GALNT17: variants seen among roughly 807,000 people sequenced by gnomAD.
The protein encoded by GALNT17 is UDP-GalNAc:polypeptide N-acetylgalactosaminyltransferase-like 3.
A neutral mutation model predicts 63.7 loss-of-function variants in GALNT17; 29 were observed. That is an observed-to-expected ratio of 0.46 (90% confidence interval 0.34 to 0.62). The LOEUF (loss-of-function observed/expected upper bound fraction) is 0.62. Ranked by LOEUF, GALNT17 falls within the 20% of genes least tolerant of loss-of-function variation. The pLI is 0.01. For synonymous variants in GALNT17, 305 were observed against 318.3 expected (o/e 0.96, Z 0.45); for missense variants, 603 against 799.6 (o/e 0.75, Z 2.97).
chr7:71,258,192 C>T (rs1790322245), intron 1 of GALNT17, among the ~76,000 whole-genome samples: 1 of 152,176 alleles, frequency 6.6e-6, no homozygotes, highest in South Asian at 2.1e-4. Context: ...GAACATAGGG[C>T]CAGGCCTCCC....
At chr7:71,468,631 G>T (rs1475058541) in intron 5 of GALNT17, among the ~76,000 whole-genome samples, 1 of 151,786 alleles carries the variant, frequency 6.6e-6, no homozygotes, top group Non-Finnish European at 1.5e-5. Context: ...TAGCCAGGAT[G>T]ATCTCAAACT....
At chr7:71,668,911 C>T (rs1462111287) in intron 7 of GALNT17, among the ~76,000 whole-genome samples, 2 of 152,102 alleles carry the variant, frequency 1.3e-5, no homozygotes, top group Admixed American at 1.3e-4. Context: ...ATGAACTTCG[C>T]AAAGAGCCAA....
At position 71,505,494 on chromosome 7, in the gene GALNT17, C is replaced by T. The variant is rs542255682; in HGVS notation, c.963-65791C>T. 5.9e-4 allele frequency among the ~76,000 whole-genome samples: 90 copies of T among 152,212 alleles called. 1 individual carries two copies. Among genetic ancestry groups the T allele is most frequent in the African/African-American group, 8.4e-4 (35 of 41,536 alleles). Reference sequence around the variant, plus strand: ...ACATACTTGTTGTCCCAGCTACTTACGAGGCTGAAGTGGGAGGATTGCTTG... The same window carrying T: ...ACATACTTGTTGTCCCAGCTACTTATGAGGCTGAAGTGGGAGGATTGCTTG... On this transcript the variant is annotated intron_variant, in intron 5 of 10. Coordinates refer to ENST00000333538, the MANE Select transcript of GALNT17 (RefSeq NM_022479.3).
intron 1 of GALNT17, among the ~76,000 whole-genome samples, chr7:71,313,700 C>T (rs1416871745): frequency 6.6e-6 from 1 of 152,114 alleles, no homozygotes; most frequent in Non-Finnish European, 1.5e-5. Context: ...AGTCTGGGGA[C>T]AGAATGTGTA....
chr7:71,232,766 G>A (rs1562934906), intron 1 of GALNT17, among the ~76,000 whole-genome samples: 1 of 152,160 alleles, frequency 6.6e-6, no homozygotes, highest in Non-Finnish European at 1.5e-5. Context: ...GCAAATTAAG[G>A]GGTGGGTTAT....
chr7:71,569,211 C>T (rs1372584849), intron 5 of GALNT17, among the ~76,000 whole-genome samples: 1 of 152,118 alleles, frequency 6.6e-6, no homozygotes, highest in Non-Finnish European at 1.5e-5. Flanking sequence ...ACCTTGTGAT[C>T]CCCCTGCCTC....
intron 6 of GALNT17, 72 bp from the exon 7 acceptor site, chr7:71,665,339 T>C: frequency 6.7e-7 from 1 of 1,483,506 alleles, no homozygotes; most frequent in Non-Finnish European, 9.1e-7. Flanking sequence ...GAACCATTGC[T>C]TTTGGGCTTG....
Position 71,543,037 on chromosome 7 carries a change from T to TTA in GALNT17, c.963-28248_963-28247insTA, listed in dbSNP as rs373690955. Reference sequence around the variant, plus strand: ...CTTTAGTGTTTAGTTTGACCTTTGTTAAAAAAAAAAAAAAAAGCCCACACA... The same window carrying TTA: ...CTTTAGTGTTTAGTTTGACCTTTGTTTAAAAAAAAAAAAAAAAAGCCCACACA... On this transcript the variant is annotated intron_variant, in intron 5 of 10. Transcript: ENST00000333538. Among the ~76,000 whole-genome samples the TTA allele has an allele frequency of 1.7e-3, 222 of 130,772 alleles. 1 individual carries two copies. Among genetic ancestry groups the TTA allele is most frequent in the Middle Eastern group, 0.015 (4 of 266 alleles). The allele number at this position is 130,772 out of a possible 152,430, so 85.8% of individuals were successfully genotyped here.
intron 1 of GALNT17, among the ~76,000 whole-genome samples, chr7:71,276,292 G>A (rs1034202393): frequency 6.6e-6 from 1 of 152,128 alleles, no homozygotes; most frequent in Non-Finnish European, 1.5e-5. Flanking sequence ...ACTGCCATTC[G>A]ATCCAGTAAT....
At chr7:71,195,823 A>C (rs936462107) in intron 1 of GALNT17, among the ~76,000 whole-genome samples, 48 of 152,280 alleles carry the variant, frequency 3.2e-4, no homozygotes, top group African/African-American at 1.1e-3. Context: ...CGCTGGGGTT[A>C]CAGGCACCCA....
intron 2 of GALNT17, among the ~76,000 whole-genome samples, chr7:71,370,750 GA>G (rs1792606720): frequency 6.6e-6 from 1 of 152,068 alleles, no homozygotes; most frequent in Non-Finnish European, 1.5e-5. Flanking sequence ...TTACAGGTGT[GA>G]GCCACCACCG....
rs200705257 is a variant in GALNT17, at chr7:71,448,357, A to G, written c.962+27252A>G. On this transcript the variant is annotated intron_variant, in intron 5 of 10. Coordinates refer to ENST00000333538, the MANE Select transcript of GALNT17 (RefSeq NM_022479.3). Reference sequence around the variant, plus strand: ...TTGTTGATATCCTTACTTCGTGTGTATGTGTGTGTGTGTGTGTGTGTGGTC... The same window carrying G: ...TTGTTGATATCCTTACTTCGTGTGTGTGTGTGTGTGTGTGTGTGTGTGGTC... Among the ~76,000 whole-genome samples, 29 of 147,688 alleles carry G rather than the reference A, an allele frequency of 2.0e-4. 1 individual carries two copies. The highest frequency in any genetic ancestry group is 6.1e-4 in the African/African-American group (25 of 40,686).
intron 5 of GALNT17, among the ~76,000 whole-genome samples, chr7:71,562,021 T>C (rs1474364759): frequency 1.3e-5 from 2 of 151,962 alleles, no homozygotes; most frequent in Admixed American, 1.3e-4. Context: ...AGTGGTGCGA[T>C]CATAGCACAC....
chr7:71,403,269 C>A (rs540867746), intron 3 of GALNT17, among the ~76,000 whole-genome samples: 1 of 152,188 alleles, frequency 6.6e-6, no homozygotes, highest in Non-Finnish European at 1.5e-5. Context: ...ATGTAGCCTT[C>A]GCTCAGTTTC....
intron 5 of GALNT17, among the ~76,000 whole-genome samples, chr7:71,468,441 G>C (rs1787573425): frequency 1.3e-5 from 2 of 151,758 alleles, no homozygotes; most frequent in African/African-American, 4.8e-5. Context: ...ATTGGAGACA[G>C]AGTCTCATTC....
chr7:71,215,821 A>G (rs540208725), intron 1 of GALNT17, among the ~76,000 whole-genome samples: 13 of 152,228 alleles, frequency 8.5e-5, no homozygotes, highest in Admixed American at 2.0e-4. Context: ...ACCCTTCACA[A>G]TCTTACAATT....
chr7:71,520,930 C>G (rs1188376154), intron 5 of GALNT17, among the ~76,000 whole-genome samples: 2 of 152,068 alleles, frequency 1.3e-5, no homozygotes, highest in Non-Finnish European at 2.9e-5. Context: ...GATGTCACTC[C>G]CTTCTGATTC....
chr7:71,518,633 G>A (rs1014443183), intron 5 of GALNT17, among the ~76,000 whole-genome samples: 1 of 152,176 alleles, frequency 6.6e-6, no homozygotes, highest in Non-Finnish European at 1.5e-5. Flanking sequence ...TAGCCGTATA[G>A]ATTTTAAAGC....
chr7:71,448,350 C>CGTGT (rs1167766494), intron 5 of GALNT17, among the ~76,000 whole-genome samples: 1 of 147,624 alleles, frequency 6.8e-6, no homozygotes, highest in African/African-American at 2.6e-5. Flanking sequence ...ATCCTTACTT[C>CGTGT]GTGTGTATGT....
Sources: gnomAD v4.1 joint callset for allele counts (sites outside exome capture counted in the v4.1 genomes callset) on GRCh38, gnomAD v4.1.1 for gene constraint, MANE v1.5 for transcripts, NCBI Gene and HGNC (gene_info 2026-07-23, HGNC 2026-07-21) for gene names.